Variants in PTCHD4 observed in about 807,000 individuals in gnomAD.
PTCHD4 encodes patched domain containing 4, also known as patched domain-containing protein 4.
A neutral mutation model predicts 58.1 loss-of-function variants in PTCHD4; 33 were observed. The ratio of observed to expected loss-of-function variants is 0.57; its 90% CI spans 0.43 to 0.76. The LOEUF (loss-of-function observed/expected upper bound fraction) is 0.76, where lower values mean the gene tolerates loss of function less well. PTCHD4 is among the 30% of genes least tolerant of loss of function. The pLI is 0.00. For missense variants in PTCHD4, 1,058 were observed against 1,027.1 expected, an observed-to-expected ratio of 1.03 and a Z score of -0.41; for synonymous variants, 478 against 409.6, an observed-to-expected ratio of 1.17 and a Z score of -2.02.
In PTCHD4 at chr6:48,080,838, G is replaced by A. The variant is rs188429690; in HGVS notation, c.-969-10912C>T. On this transcript the variant is annotated intron_variant, in intron 1 of 4. Transcript: ENST00000339488. ...TTGTTCCCAAGTACCTCTTTGTTTG[G>A]CCCTCCTAGCTGCCCTGCCACCAGC... is the stretch of plus-strand genomic sequence containing the variant. Among the ~76,000 whole-genome samples the A allele has an allele frequency of 7.2e-5, 11 of 152,102 alleles. No individual in the cohort carries two copies. In the East Asian group the frequency reaches 1.7e-3, roughly 24 times the overall value.
intron 4 of PTCHD4, among the ~76,000 whole-genome samples, chr6:47,994,009 G>A (rs1768379529): frequency 6.6e-6 from 1 of 152,178 alleles, no homozygotes; most frequent in Non-Finnish European, 1.5e-5. Flanking sequence ...CTGTAGATAT[G>A]GAGCAGAGGC....
At chr6:47,923,924 C>T (rs1294076534) in intron 4 of PTCHD4, among the ~76,000 whole-genome samples, 2 of 152,130 alleles carry the variant, frequency 1.3e-5, no homozygotes, top group Admixed American at 1.3e-4. Flanking sequence ...TTTCTGAGTG[C>T]CACTTCACAG....
intron 3 of PTCHD4, among the ~76,000 whole-genome samples, chr6:48,034,510 C>T (rs1451078207): frequency 6.6e-6 from 1 of 152,088 alleles, no homozygotes; most frequent in Non-Finnish European, 1.5e-5. Flanking sequence ...GAAGATTACC[C>T]AGGGACCATT....
intron 3 of PTCHD4, among the ~76,000 whole-genome samples, chr6:48,011,336 T>C (rs1300439855): frequency 6.6e-6 from 1 of 152,238 alleles, no homozygotes; most frequent in Non-Finnish European, 1.5e-5. Flanking sequence ...GCAGTGATGA[T>C]GAGGTTTTCT....
At chr6:47,964,561 G>T (rs1400384326) in intron 4 of PTCHD4, among the ~76,000 whole-genome samples, 2 of 152,138 alleles carry the variant, frequency 1.3e-5, no homozygotes, top group Admixed American at 1.3e-4. Flanking sequence ...TATATTAAAT[G>T]ACACTACTTG....
In PTCHD4 at chr6:47,916,489, C is replaced by G. The variant is rs191948857; in HGVS notation, c.899-36553G>C. 1.4e-3 allele frequency among the ~76,000 whole-genome samples: 208 copies of G among 152,182 alleles called. 3 individuals carry two copies. Among genetic ancestry groups the G allele is most frequent in the African/African-American group, 4.7e-3 (197 of 41,528 alleles). ...CAAGAAAAGGCTCTCTCCCCACCAC[C>G]TACAAATAATCAGTCGATTAGGAAA... On this transcript the variant is annotated intron_variant, in intron 4 of 4. Transcript: ENST00000339488.
intron 4 of PTCHD4, among the ~76,000 whole-genome samples, chr6:47,921,195 T>C (rs1238021545): frequency 6.6e-6 from 1 of 152,196 alleles, no homozygotes; most frequent in Non-Finnish European, 1.5e-5. Context: ...CTCTGACACT[T>C]TTCTATAAAT....
At chr6:48,027,051 G>A (rs1763271830) in intron 3 of PTCHD4, among the ~76,000 whole-genome samples, 1 of 151,886 alleles carries the variant, frequency 6.6e-6, no homozygotes, top group African/African-American at 2.4e-5. Flanking sequence ...ATTTTTGAAT[G>A]AAAGCGATAA....
chr6:48,107,439 A>T (rs1765755714), intron 1 of PTCHD4, among the ~76,000 whole-genome samples: 1 of 152,236 alleles, frequency 6.6e-6, no homozygotes. Context: ...CACCTTATAC[A>T]AAAATTAATT....
At chr6:47,936,635 A>T (rs1009890326) in intron 4 of PTCHD4, among the ~76,000 whole-genome samples, 1 of 152,058 alleles carries the variant, frequency 6.6e-6, no homozygotes, top group Non-Finnish European at 1.5e-5. Flanking sequence ...CAAACACCCC[A>T]TTTGTCCCTT....
chr6:48,081,888 T>A (rs933421922), intron 1 of PTCHD4, among the ~76,000 whole-genome samples: 6 of 152,192 alleles, frequency 3.9e-5, no homozygotes, highest in Non-Finnish European at 8.8e-5. Flanking sequence ...TAAAGAAAAC[T>A]GTGGCATAGA....
intron 4 of PTCHD4, among the ~76,000 whole-genome samples, chr6:48,002,607 T>C (rs1216358577): frequency 7.0e-6 from 1 of 143,464 alleles, no homozygotes; most frequent in Non-Finnish European, 1.5e-5. Context: ...TGGGGCCTGT[T>C]GTGGGGTGGG....
chr6:48,001,072 A>G (rs1006265479), intron 4 of PTCHD4, among the ~76,000 whole-genome samples: 1 of 152,204 alleles, frequency 6.6e-6, no homozygotes. Context: ...CTCTTCAAGG[A>G]GAACTACAAA....
chr6:48,039,451 A>T (rs1763764419), intron 3 of PTCHD4, among the ~76,000 whole-genome samples: 1 of 152,110 alleles, frequency 6.6e-6, no homozygotes, highest in Non-Finnish European at 1.5e-5. Flanking sequence ...ACTGGAGAGG[A>T]GGTGAAAGTA....
Position 48,069,725 on chromosome 6 carries a change from C to T in PTCHD4, c.-768G>A, listed in dbSNP as rs1764937984. Among the ~76,000 whole-genome samples the T allele has an allele frequency of 6.6e-6, 1 of 152,094 alleles. No homozygotes were observed. Among genetic ancestry groups the T allele is most frequent in the Non-Finnish European group, 1.5e-5 (1 of 68,018 alleles). Reference sequence around the variant, plus strand: ...AAGATCTACAGGCAATATGAGGTTTCTCATAACATGTTACATTCACTTTCT... The same window carrying T: ...AAGATCTACAGGCAATATGAGGTTTTTCATAACATGTTACATTCACTTTCT... On this transcript the variant is annotated 5_prime_UTR_variant, in exon 2 of 5. Coordinates refer to ENST00000339488, the MANE Select transcript of PTCHD4 (RefSeq NM_001384253.1).
At chr6:47,938,504 C>T (rs1286484520) in intron 4 of PTCHD4, among the ~76,000 whole-genome samples, 1 of 152,194 alleles carries the variant, frequency 6.6e-6, no homozygotes, top group Non-Finnish European at 1.5e-5. Context: ...CTTCTGAATG[C>T]TTCTGTTTTC....
At chr6:47,897,064 G>T (rs371635258) in intron 4 of PTCHD4, among the ~76,000 whole-genome samples, 1 of 151,980 alleles carries the variant, frequency 6.6e-6, no homozygotes, top group African/African-American at 2.4e-5. Context: ...CTGAGCTCCC[G>T]TGTTTTCTGG....
At chr6:47,884,195 G>A (rs1056537154) in intron 4 of PTCHD4, among the ~76,000 whole-genome samples, 1 of 151,938 alleles carries the variant, frequency 6.6e-6, no homozygotes, top group African/African-American at 2.4e-5. Flanking sequence ...TCAAAGAACT[G>A]GATTGCTACC....
chr6:48,109,444 T>C (rs1765814907), intron 1 of PTCHD4, among the ~76,000 whole-genome samples: 1 of 152,130 alleles, frequency 6.6e-6, no homozygotes, highest in Admixed American at 6.6e-5. Context: ...AACATTATTT[T>C]AGTGAGACCT....
Sources: allele counts gnomAD v4.1 joint callset (sites outside exome capture counted in the v4.1 genomes callset), GRCh38; gene constraint gnomAD v4.1.1; transcripts MANE v1.5; gene names NCBI Gene and HGNC (gene_info 2026-07-23, HGNC 2026-07-21).